PCCA: variants seen among roughly 807,000 people sequenced by gnomAD.
PCCA encodes the protein propionyl-CoA carboxylase subunit alpha.
In PCCA, 74 loss-of-function variants were observed where a neutral mutation model predicts 101.3. The observed-to-expected ratio is 0.73, with a 90% CI of 0.61 to 0.89. The LOEUF (loss-of-function observed/expected upper bound fraction) is 0.89, where lower values mean the gene tolerates loss of function less well. Among genes scored for constraint, PCCA ranks in the 40% least tolerant of loss-of-function variants. PCCA has a pLI of 0.00. For synonymous variants in PCCA, 294 were observed against 313.6 expected (o/e 0.94, Z 0.66); for missense variants, 891 against 907.0 (o/e 0.98, Z 0.23).
rs557677816 is a variant in PCCA, at chr13:100,230,573, C to G, written c.601-5269C>G. Among the ~76,000 whole-genome samples, 3 of 151,548 alleles carry G rather than the reference C, an allele frequency of 2.0e-5. No homozygotes were observed. The East Asian group carries it at 5.8e-4, about 29-fold the overall frequency. The stretch of plus-strand genomic sequence containing the variant: ...AAAAAAAGAAAGAACGTGGCATTAG[C>G]TGAAACTGGAAGCATGCCACCCTGG... On this transcript the variant is annotated intron_variant, in intron 7 of 23. Coordinates refer to ENST00000376285, the MANE Select transcript of PCCA (RefSeq NM_000282.4).
chr13:100,407,061 A>G (rs2077727072), intron 19 of PCCA, among the ~76,000 whole-genome samples: 1 of 152,240 alleles, frequency 6.6e-6, no homozygotes, highest in Admixed American at 6.5e-5. Context: ...TAGAAACACA[A>G]CTGACAAAGA....
chr13:100,150,502 G>A, intron 4 of PCCA: 1 of 1,312,324 alleles, frequency 7.6e-7, no homozygotes, highest in Non-Finnish European at 1.0e-6. Flanking sequence ...GGTGGAGCGG[G>A]AGAGTATTGC....
At position 100,147,106 on chromosome 13, in the gene PCCA, T is replaced by A. The variant is rs79319399; in HGVS notation, c.301-7873T>A. On this transcript the variant is annotated intron_variant, in intron 4 of 23. Transcript: ENST00000376285. The stretch of plus-strand genomic sequence containing the variant: ...AAAAATCTTAAACATGAAATAAAAC[T>A]CTGCACCTTTATTTCTGCATATCCA... Among the ~76,000 whole-genome samples the A allele has an allele frequency of 3.7e-3, 564 of 152,198 alleles. 3 individuals are homozygous for A. Among genetic ancestry groups the A allele is most frequent in the African/African-American group, 0.013 (536 of 41,508 alleles).
intron 21 of PCCA, among the ~76,000 whole-genome samples, chr13:100,450,242 GT>G (rs372819422): frequency 0.14 from 20,768 of 151,582 alleles, 2,642 homozygotes; most frequent in African/African-American, 0.34. Context: ...AATTAGCCGG[GT>G]TGTGGTGGTG....
At chr13:100,170,007 A>C (rs2055475838) in intron 6 of PCCA, among the ~76,000 whole-genome samples, 1 of 152,058 alleles carries the variant, frequency 6.6e-6, no homozygotes, top group Non-Finnish European at 1.5e-5. Flanking sequence ...GCCTGAACTC[A>C]TGCTTTTTGA....
intron 21 of PCCA, among the ~76,000 whole-genome samples, chr13:100,463,191 G>A (rs1038224141): frequency 1.1e-4 from 16 of 152,164 alleles, no homozygotes; most frequent in Non-Finnish European, 1.6e-4. Context: ...AGATCCCTTT[G>A]GAAGATGAAA....
intron 21 of PCCA, among the ~76,000 whole-genome samples, chr13:100,457,602 T>G (rs766096360): frequency 1.1e-4 from 16 of 152,314 alleles, no homozygotes; most frequent in Non-Finnish European, 2.2e-4. Flanking sequence ...GCTCTGAGTT[T>G]AGAGAACCTG....
intron 22 of PCCA, among the ~76,000 whole-genome samples, chr13:100,523,540 C>T (rs2087472755): frequency 6.6e-6 from 1 of 152,158 alleles, no homozygotes; most frequent in Non-Finnish European, 1.5e-5. Context: ...TGCTGGGTGA[C>T]ACTCGGGCCC....
chr13:100,196,853 C>T (rs1431512735), intron 6 of PCCA, among the ~76,000 whole-genome samples: 1 of 152,092 alleles, frequency 6.6e-6, no homozygotes, highest in African/African-American at 2.4e-5. Flanking sequence ...TGTTCTTATC[C>T]TAATGAATCA....
In PCCA at chr13:100,494,747, C is replaced by T. The variant is rs369324295; in HGVS notation, c.1900-20680C>T. On this transcript the variant is annotated intron_variant, in intron 21 of 23. Coordinates refer to ENST00000376285, the MANE Select transcript of PCCA (RefSeq NM_000282.4). ...TGACAAGTGCTTCTTGCCTTATCTA[C>T]TAGTGAAGACTCTGCCCGGCCCGCT... Among the ~76,000 whole-genome samples the T allele has an allele frequency of 8.5e-5, 13 of 152,174 alleles. No individual in the cohort carries two copies. The East Asian group carries it at 2.1e-3, about 25-fold the overall frequency.
chr13:100,138,473 C>T (rs969977440), intron 4 of PCCA, among the ~76,000 whole-genome samples: 1 of 152,158 alleles, frequency 6.6e-6, no homozygotes, highest in African/African-American at 2.4e-5. Flanking sequence ...TTTTTGCTTT[C>T]AACAGTTAAA....
chr13:100,325,027 A>G (rs1440683831), intron 16 of PCCA, among the ~76,000 whole-genome samples: 8 of 152,186 alleles, frequency 5.3e-5, no homozygotes, highest in Non-Finnish European at 8.8e-5. Context: ...TTACTTGATA[A>G]TATATGGTAG....
In PCCA at chr13:100,127,964, A is replaced by G. The variant is rs1302163710; in HGVS notation, c.300+15903A>G. Reference sequence around the variant, plus strand: ...TCTATGTTCCAGTGTTTCTAAGGCCATGACTTAACTCATTTTTACAGCCTC... The same window carrying G: ...TCTATGTTCCAGTGTTTCTAAGGCCGTGACTTAACTCATTTTTACAGCCTC... On this transcript the variant is annotated intron_variant, in intron 4 of 23. Coordinates refer to ENST00000376285, the MANE Select transcript of PCCA (RefSeq NM_000282.4). Among the ~76,000 whole-genome samples the G allele has an allele frequency of 2.0e-5, 3 of 152,206 alleles. No individual in the cohort carries two copies. The South Asian group carries it at 6.2e-4, about 32-fold the overall frequency.
intron 6 of PCCA, among the ~76,000 whole-genome samples, chr13:100,158,934 T>C (rs2054149895): frequency 1.3e-5 from 2 of 151,576 alleles, no homozygotes; most frequent in Admixed American, 6.6e-5. Flanking sequence ...TAAATGAATA[T>C]CCAAATCCAA....
At chr13:100,227,009 T>C (rs2152506481) in intron 7 of PCCA, among the ~76,000 whole-genome samples, 1 of 152,338 alleles carries the variant, frequency 6.6e-6, no homozygotes, top group South Asian at 2.1e-4. Context: ...GCGCCTGTGT[T>C]CTTTTTTTCT....
intron 18 of PCCA, among the ~76,000 whole-genome samples, chr13:100,361,059 A>G (rs1409622559): frequency 6.6e-6 from 1 of 152,212 alleles, no homozygotes; most frequent in Non-Finnish European, 1.5e-5. Flanking sequence ...AGCATTCTGT[A>G]TGATTCCAGC....
intron 12 of PCCA, among the ~76,000 whole-genome samples, chr13:100,277,002 A>T (rs935548629): frequency 6.6e-6 from 1 of 152,160 alleles, no homozygotes; most frequent in African/African-American, 2.4e-5. Flanking sequence ...AAAACCTAAG[A>T]TGATGGATTC....
At chr13:100,491,560 A>G in intron 21 of PCCA, 1 of 678,126 alleles carries the variant, frequency 1.5e-6, no homozygotes, top group Non-Finnish European at 2.3e-6. Flanking sequence ...ACTCACTGCA[A>G]ACAGCTGCAA....
chr13:100,169,087 C>G (rs893185759), intron 6 of PCCA, among the ~76,000 whole-genome samples: 2 of 152,010 alleles, frequency 1.3e-5, no homozygotes, highest in Non-Finnish European at 2.9e-5. Flanking sequence ...AAACAAAACC[C>G]TCTATGGATT....
Sources: gnomAD v4.1 joint callset for allele counts (sites outside exome capture counted in the v4.1 genomes callset) on GRCh38, gnomAD v4.1.1 for gene constraint, MANE v1.5 for transcripts, NCBI Gene and HGNC (gene_info 2026-07-23, HGNC 2026-07-21) for gene names.